Variants in MTFR1 observed in about 807,000 individuals in gnomAD.
MTFR1 encodes the protein mitochondrial fission regulator 1.
MTFR1 carries 28 observed loss-of-function variants against 38.8 expected under a neutral mutation model. The observed-to-expected ratio is 0.72, with a 90% confidence interval of 0.53 to 0.99. The LOEUF is 0.99. Among genes scored for constraint, MTFR1 ranks in the 50% least tolerant of loss-of-function variants. The pLI, the probability that MTFR1 is intolerant of heterozygous loss-of-function variation, is 0.00. For synonymous variants in MTFR1, 145 were observed against 137.0 expected, an observed-to-expected ratio of 1.06 and a Z score of -0.41; for missense variants, 358 against 395.5, an observed-to-expected ratio of 0.91 and a Z score of 0.81.
intron 3 of MTFR1, among the ~76,000 whole-genome samples, chr8:65,748,733 A>C (rs932171648): frequency 6.6e-6 from 1 of 152,030 alleles, no homozygotes; most frequent in African/African-American, 2.4e-5. Flanking sequence ...TCCTCTATTA[A>C]CCTCTAGCCC....
At chr8:65,669,429 G>A (rs1179294192) in intron 1 of MTFR1, among the ~76,000 whole-genome samples, 6 of 152,072 alleles carry the variant, frequency 3.9e-5, no homozygotes, top group African/African-American at 7.2e-5. Context: ...CTAGGTTTTT[G>A]TTGCTTCCAG....
intron 2 of MTFR1, chr8:65,719,136 G>A: frequency 1.6e-6 from 1 of 618,658 alleles, no homozygotes; most frequent in South Asian, 1.9e-5. Context: ...GGGTTCAAAT[G>A]ATCCAACAGA....
At chr8:65,666,776 A>G (rs1804392730) in intron 1 of MTFR1, among the ~76,000 whole-genome samples, 1 of 152,160 alleles carries the variant, frequency 6.6e-6, no homozygotes, top group Non-Finnish European at 1.5e-5. Context: ...ATTTTAGCTA[A>G]GGGCTCTTGT....
At chr8:65,723,463 A>G (rs750523865) in intron 3 of MTFR1, 10 of 1,241,282 alleles carry the variant, frequency 8.1e-6, no homozygotes, top group African/African-American at 4.7e-5. Context: ...TTAATATTTT[A>G]TATTTCAAAT....
chr8:65,731,622 T>A (rs1216333338), intron 3 of MTFR1: 1 of 152,122 alleles, frequency 6.6e-6, no homozygotes, highest in East Asian at 1.9e-4. Flanking sequence ...ATAATCCACA[T>A]GAGTTCAGCC....
At chr8:65,735,501 GGATCTTGC>G (rs1439710584) in intron 3 of MTFR1, among the ~76,000 whole-genome samples, 1 of 152,068 alleles carries the variant, frequency 6.6e-6, no homozygotes, top group African/African-American at 2.4e-5. Flanking sequence ...TATAAAGACA[GGATCTTGC>G]CATGTTGCCC....
At chr8:65,729,577 T>A (rs1806754614) in intron 3 of MTFR1, among the ~76,000 whole-genome samples, 1 of 152,038 alleles carries the variant, frequency 6.6e-6, no homozygotes, top group Non-Finnish European at 1.5e-5. Context: ...ACAGATTCTA[T>A]TTTTTTGTGA....
chr8:65,654,103 C>T (rs929695370), intron 1 of MTFR1, among the ~76,000 whole-genome samples: 1 of 147,508 alleles, frequency 6.8e-6, no homozygotes, highest in African/African-American at 2.5e-5. Context: ...AAAAGTAGTA[C>T]ATGTATCCTA....
downstream of MTFR1, among the ~76,000 whole-genome samples, chr8:65,713,695 C>CGT (rs796825094): frequency 2.0e-4 from 31 of 152,150 alleles, no homozygotes; most frequent in African/African-American, 6.7e-4. Flanking sequence ...TAGATGTTAA[C>CGT]TATTTTTTGA....
chr8:65,713,987 C>T (rs1275546140), downstream of MTFR1, among the ~76,000 whole-genome samples: 1 of 151,768 alleles, frequency 6.6e-6, no homozygotes, highest in Non-Finnish European at 1.5e-5. Flanking sequence ...CACACCCAGC[C>T]AACAATTTTA....
chr8:65,774,271 A>T (rs1476957019), downstream of MTFR1, among the ~76,000 whole-genome samples: 1 of 152,144 alleles, frequency 6.6e-6, no homozygotes, highest in African/African-American at 2.4e-5. Flanking sequence ...TCCTCATGCT[A>T]ATAAATATTT....
chr8:65,734,917 G>T (rs539986176), intron 3 of MTFR1: 7 of 1,439,222 alleles, frequency 4.9e-6, no homozygotes, highest in Non-Finnish European at 6.9e-6. Flanking sequence ...AAGAGATCCC[G>T]ATTTTATTGT....
chr8:65,709,121 C>CTGTT lies in MTFR1; in HGVS notation c.*79_*82dup. The CTGTT allele has an allele frequency of 1.6e-6, 2 of 1,281,832 alleles. No homozygotes were observed. Among genetic ancestry groups the CTGTT allele is most frequent in the East Asian group, 4.6e-5 (2 of 43,248 alleles). The allele number at this position is 1,281,832 out of a possible 1,614,324, so 79.4% of individuals were successfully genotyped here. ...CCAAGTTTGCTAGTAGAAATCGACA[C>CTGTT]TGTTTAGTAAATACCTCTTTAGTAT... On this transcript the variant is annotated 3_prime_UTR_variant, in exon 8 of 8. Transcript: ENST00000262146.
intron 4 of MTFR1, among the ~76,000 whole-genome samples, chr8:65,696,755 G>C (rs1337907363): frequency 6.6e-6 from 1 of 151,614 alleles, no homozygotes; most frequent in Non-Finnish European, 1.5e-5. Flanking sequence ...CCGCCTCCTG[G>C]GTTTAAGCAA....
At chr8:65,751,009 A>G (rs979047980) in intron 3 of MTFR1, among the ~76,000 whole-genome samples, 2 of 152,244 alleles carry the variant, frequency 1.3e-5, no homozygotes, top group African/African-American at 4.8e-5. Context: ...ACCTTCACTT[A>G]ATGATATAGG....
At chr8:65,657,017 A>T (rs1015010254) in intron 1 of MTFR1, among the ~76,000 whole-genome samples, 43 of 134,654 alleles carry the variant, frequency 3.2e-4, no homozygotes, top group Admixed American at 2.0e-3. Flanking sequence ...TTATTTACTT[A>T]TTTTTTTTTT....
chr8:65,707,014 C>T lies in MTFR1; in HGVS notation c.522C>T (p.Asp174=). The T allele has an allele frequency of 6.3e-7, 1 of 1,594,410 alleles. No homozygotes were observed. The highest frequency in any genetic ancestry group is 8.5e-7 in the Non-Finnish European group (1 of 1,171,254). ...TGTTTTCCTTTGTTTCTGTAGGTGA[C>T]TTAGATTCTACCACATTTGGTACCA... ...QQEQQNLTAG[D]LDSTTFGTIP... is the part of the protein sequence containing the mutation. The change falls in exon 6 of 8, where the codon GAC becomes GAT. Residue 174 remains aspartate, a synonymous_variant. Coordinates refer to ENST00000262146, the MANE Select transcript of MTFR1 (RefSeq NM_014637.4).
intron 3 of MTFR1, among the ~76,000 whole-genome samples, chr8:65,750,508 G>GTC (rs1365394491): frequency 1.3e-5 from 2 of 150,334 alleles, no homozygotes; most frequent in East Asian, 4.0e-4. Flanking sequence ...GTGTGTCTGT[G>GTC]TGTGTCTGTG....
At chr8:65,745,229 T>G (rs1807619759) in intron 3 of MTFR1, among the ~76,000 whole-genome samples, 1 of 152,220 alleles carries the variant, frequency 6.6e-6, no homozygotes, top group South Asian at 2.1e-4. Context: ...CCTCTTTTTC[T>G]CAATTACCCA....
Sources: gnomAD v4.1 joint callset for allele counts (sites outside exome capture counted in the v4.1 genomes callset) on GRCh38, gnomAD v4.1.1 for gene constraint, MANE v1.5 for transcripts, NCBI Gene and HGNC (gene_info 2026-07-23, HGNC 2026-07-21) for gene names.